The following STXBP5L variants were observed in gnomAD, a reference collection of about 807,000 sequenced individuals.
STXBP5L encodes the protein syntaxin-binding protein 5-like.
Under a neutral mutation model 144.5 loss-of-function variants are expected in STXBP5L, and 65 were observed. The observed-to-expected ratio is 0.45, with a 90% CI of 0.37 to 0.55. The LOEUF (loss-of-function observed/expected upper bound fraction) is 0.55, where lower values mean the gene tolerates loss of function less well. Among genes scored for constraint, STXBP5L ranks in the 20% least tolerant of loss-of-function variants. STXBP5L has a pLI of 0.00. For synonymous variants in STXBP5L, 505 were observed against 469.6 expected (o/e 1.08, Z -0.97); for missense variants, 1,298 against 1,405.5 (o/e 0.92, Z 1.22).
chr3:121,120,179 C>T (rs960221279), intron 6 of STXBP5L, among the ~76,000 whole-genome samples: 1 of 151,224 alleles, frequency 6.6e-6, no homozygotes, highest in Non-Finnish European at 1.5e-5. Context: ...GTAAAGTACA[C>T]TTTGGTAAGT....
At chr3:121,393,171 C>T (rs1364188252) in intron 22 of STXBP5L, among the ~76,000 whole-genome samples, 1 of 148,050 alleles carries the variant, frequency 6.8e-6, no homozygotes, top group Non-Finnish European at 1.5e-5. Context: ...TCATTTCTCT[C>T]ATGACTAATG....
chr3:120,931,282 A>G (rs1328809635), intron 2 of STXBP5L, among the ~76,000 whole-genome samples: 1 of 152,180 alleles, frequency 6.6e-6, no homozygotes, highest in Non-Finnish European at 1.5e-5. Context: ...GAAGAGTGGC[A>G]TGAGGCTACA....
At chr3:121,270,268 AT>A (rs1577341521) in intron 18 of STXBP5L, among the ~76,000 whole-genome samples, 1 of 142,506 alleles carries the variant, frequency 7.0e-6, no homozygotes, top group African/African-American at 2.6e-5. Context: ...AGCATAGTGT[AT>A]TTTTTAAATT....
intron 3 of STXBP5L, among the ~76,000 whole-genome samples, chr3:120,977,254 G>T (rs955285790): frequency 6.6e-6 from 1 of 152,196 alleles, no homozygotes; most frequent in African/African-American, 2.4e-5. Context: ...ATATATTTAG[G>T]ATAGTTAGCT....
intron 19 of STXBP5L, among the ~76,000 whole-genome samples, chr3:121,295,896 T>C (rs989843106): frequency 2.0e-5 from 3 of 152,194 alleles, no homozygotes; most frequent in African/African-American, 7.2e-5. Flanking sequence ...TATTTGTATA[T>C]TGGGTATAAG....
At chr3:121,038,251 T>C (rs1042701989) in intron 3 of STXBP5L, among the ~76,000 whole-genome samples, 4 of 152,002 alleles carry the variant, frequency 2.6e-5, no homozygotes, top group African/African-American at 9.7e-5. Context: ...AAGATCTTTT[T>C]CTTTGCTAAT....
Position 120,915,030 on chromosome 3 carries a change from G to A in STXBP5L, c.189+5263G>A, listed in dbSNP as rs138129150. 4.2e-3 allele frequency among the ~76,000 whole-genome samples: 641 copies of A among 152,082 alleles called. 5 individuals carry two copies. Among genetic ancestry groups the A allele is most frequent in the African/African-American group, 0.015 (611 of 41,504 alleles). On this transcript the variant is annotated intron_variant, in intron 2 of 26. Transcript: ENST00000471454. ...GTAAAATTTTAAAGTTACCTAGAGG[G>A]CAATCACATTTTCTCACAAAAAGTC...
intron 5 of STXBP5L, among the ~76,000 whole-genome samples, chr3:121,114,483 C>T (rs1328432392): frequency 6.6e-6 from 1 of 151,932 alleles, no homozygotes; most frequent in Non-Finnish European, 1.5e-5. Flanking sequence ...ATATGAAATT[C>T]ATGTATTTGA....
At chr3:120,931,213 G>T (rs966947728) in intron 2 of STXBP5L, among the ~76,000 whole-genome samples, 1 of 151,832 alleles carries the variant, frequency 6.6e-6, no homozygotes, top group Admixed American at 6.6e-5. Flanking sequence ...ATTAGATATT[G>T]TCAGAAAGTG....
chr3:121,045,556 C>T, intron 5 of STXBP5L, 21 bp downstream of exon 5: 7 of 1,589,640 alleles, frequency 4.4e-6, no homozygotes, highest in Non-Finnish European at 6.0e-6. Context: ...ATGAATTAAA[C>T]AATTTCTTAA....
intron 9 of STXBP5L, among the ~76,000 whole-genome samples, chr3:121,182,574 G>C (rs767820280): frequency 2.0e-5 from 3 of 152,032 alleles, no homozygotes; most frequent in Non-Finnish European, 4.4e-5. Context: ...AAGTCTGAAA[G>C]AGCACATCTC....
Position 121,381,418 on chromosome 3 carries a change from A to C in STXBP5L, c.2473A>C (p.Ile825Leu). 1 of 1,609,810 alleles carries C rather than the reference A, an allele frequency of 6.2e-7. No homozygotes were observed. The highest frequency in any genetic ancestry group is 8.5e-7 in the Non-Finnish European group (1 of 1,178,674). Reference protein sequence around the residue: ...DSFARKNDSTISPCLFVGTSL... With the variant: ...DSFARKNDSTLSPCLFVGTSL... ...CTTTGCACGGAAAAATGACTCTACC[A>C]TCTCTCCTTGTCTGTTCGTTGGAAC... The change falls in exon 22 of 27, where the codon ATC becomes CTC. Residue 825 changes from isoleucine (I) to leucine (L), a missense_variant. By Grantham distance (5) the Ile-to-Leu change is conservative. Coordinates refer to ENST00000471454, the MANE Select transcript of STXBP5L (RefSeq NM_001308330.2).
chr3:121,300,922 A>G (rs570897451), intron 19 of STXBP5L, among the ~76,000 whole-genome samples: 2 of 152,274 alleles, frequency 1.3e-5, no homozygotes, highest in Non-Finnish European at 2.9e-5. Context: ...CGTTAATTAT[A>G]AAAACATAAA....
intron 5 of STXBP5L, among the ~76,000 whole-genome samples, chr3:121,071,337 A>G (rs1181847706): frequency 1.3e-5 from 2 of 152,240 alleles, no homozygotes; most frequent in African/African-American, 4.8e-5. Flanking sequence ...TTGGCCATGC[A>G]TAGACTAGTC....
At chr3:121,031,502 G>T (rs534858486) in intron 3 of STXBP5L, among the ~76,000 whole-genome samples, 1 of 152,152 alleles carries the variant, frequency 6.6e-6, no homozygotes, top group East Asian at 1.9e-4. Context: ...TGGCAGGCTG[G>T]AGACCCAGGG....
At chr3:121,235,844 C>CACACAT (rs1553746113) in intron 12 of STXBP5L, among the ~76,000 whole-genome samples, 69 of 139,852 alleles carry the variant, frequency 4.9e-4, no homozygotes, top group Middle Eastern at 3.6e-3. Context: ...CACACACATA[C>CACACAT]ACACACACAC....
chr3:120,999,514 T>C (rs886151672), intron 3 of STXBP5L, among the ~76,000 whole-genome samples: 1 of 152,226 alleles, frequency 6.6e-6, no homozygotes, highest in African/African-American at 2.4e-5. Context: ...TGGGTGTTGC[T>C]TCTTTATCTA....
At chr3:121,297,372 G>T (rs1486314509) in intron 19 of STXBP5L, among the ~76,000 whole-genome samples, 1 of 152,132 alleles carries the variant, frequency 6.6e-6, no homozygotes, top group Non-Finnish European at 1.5e-5. Context: ...ATAATTGAGT[G>T]GGGGGACAAA....
chr3:121,346,124 G>A (rs1408897079), intron 20 of STXBP5L, among the ~76,000 whole-genome samples: 2 of 101,334 alleles, frequency 2.0e-5, no homozygotes, highest in Non-Finnish European at 3.8e-5. Flanking sequence ...CCCACAACAG[G>A]CCCCAGGGTG....
Sources: allele counts gnomAD v4.1 joint callset (sites outside exome capture counted in the v4.1 genomes callset), GRCh38; gene constraint gnomAD v4.1.1; transcripts MANE v1.5; gene names NCBI Gene and HGNC (gene_info 2026-07-23, HGNC 2026-07-21).